Variants in SYNPR observed in about 807,000 individuals in gnomAD.
The protein encoded by SYNPR is synaptoporin.
A neutral mutation model predicts 32.9 loss-of-function variants in SYNPR; 23 were observed. The ratio of observed to expected loss-of-function variants is 0.70; its 90% CI spans 0.50 to 0.99. The LOEUF (loss-of-function observed/expected upper bound fraction) is 0.99. SYNPR is among the 50% of genes least tolerant of loss of function. SYNPR has a pLI of 0.00. For synonymous variants in SYNPR, 146 were observed against 135.9 expected (o/e 1.07, Z -0.52); for missense variants, 318 against 349.3 (o/e 0.91, Z 0.71).
chr3:63,595,202 T>C (rs1316494278), intron 4 of SYNPR, among the ~76,000 whole-genome samples: 1 of 152,120 alleles, frequency 6.6e-6, no homozygotes, highest in East Asian at 1.9e-4. Flanking sequence ...AATGGAAAAG[T>C]CCTAACTCAC....
chr3:63,219,543 GC>G, the SYNPR span, among the ~76,000 whole-genome samples: 1 of 152,146 alleles, frequency 6.6e-6, no homozygotes, highest in African/African-American at 2.4e-5. Flanking sequence ...TCCAAGTATA[GC>G]TTTTGACTCC....
chr3:63,435,977 G>A (rs1383747111), intron 2 of SYNPR, among the ~76,000 whole-genome samples: 1 of 152,084 alleles, frequency 6.6e-6, no homozygotes. Context: ...CTTTCAGCAG[G>A]GACCATGTTT....
chr3:63,381,456 A>G (rs1195191452), intron 2 of SYNPR, among the ~76,000 whole-genome samples: 1 of 152,270 alleles, frequency 6.6e-6, no homozygotes, highest in Non-Finnish European at 1.5e-5. Context: ...AAGAATCAAT[A>G]TCGTGAAAAC....
intron 2 of SYNPR, among the ~76,000 whole-genome samples, chr3:63,429,121 G>C (rs772693606): frequency 1.3e-5 from 2 of 152,164 alleles, no homozygotes; most frequent in African/African-American, 4.8e-5. Context: ...TTGTATGTTT[G>C]TTATTTCATA....
chr3:63,379,333 G>A (rs1206747060), intron 2 of SYNPR, among the ~76,000 whole-genome samples: 2 of 152,132 alleles, frequency 1.3e-5, no homozygotes, highest in Admixed American at 6.6e-5. Context: ...ATTAGATTCT[G>A]TTGGTTGGTG....
At chr3:63,335,285 G>A (rs2087276947) in intron 2 of SYNPR, among the ~76,000 whole-genome samples, 1 of 150,698 alleles carries the variant, frequency 6.6e-6, no homozygotes, top group South Asian at 2.1e-4. Context: ...CCCGGGAGGC[G>A]GAGCTTGCAG....
chr3:63,202,896 C>T, the SYNPR span, among the ~76,000 whole-genome samples: 231 of 151,912 alleles, frequency 1.5e-3, no homozygotes, highest in African/African-American at 5.3e-3. Context: ...TTTCTTGGAA[C>T]ACAGTTTGGG....
At chr3:63,452,124 G>A (rs1700389891) in intron 2 of SYNPR, 1 of 701,616 alleles carries the variant, frequency 1.4e-6, no homozygotes, top group East Asian at 2.7e-5. Flanking sequence ...AGGCAAGAAT[G>A]TTTTCTTATT....
chr3:63,532,642 AC>A (rs969087923), intron 3 of SYNPR, among the ~76,000 whole-genome samples: 3 of 152,330 alleles, frequency 2.0e-5, no homozygotes, highest in Non-Finnish European at 4.4e-5. Context: ...TTAATTTTAA[AC>A]CAGATTTAAA....
chr3:63,389,652 T>C (rs976396304), intron 2 of SYNPR, among the ~76,000 whole-genome samples: 6 of 152,172 alleles, frequency 3.9e-5, no homozygotes, highest in Admixed American at 1.3e-4. Flanking sequence ...ACCACGAAGA[T>C]TGAAAATCCA....
intron 2 of SYNPR, chr3:63,452,058 C>T: frequency 1.4e-6 from 1 of 702,050 alleles, no homozygotes; most frequent in Admixed American, 2.0e-5. Flanking sequence ...TCTCCCACTG[C>T]CTTCACACTC....
chr3:63,585,655 T>C (rs1703171086), intron 4 of SYNPR, among the ~76,000 whole-genome samples: 1 of 152,104 alleles, frequency 6.6e-6, no homozygotes, highest in Non-Finnish European at 1.5e-5. Context: ...GAATAATTTT[T>C]AGGAAATAGT....
chr3:63,354,033 G>A (rs1346196291), intron 2 of SYNPR, among the ~76,000 whole-genome samples: 3 of 152,150 alleles, frequency 2.0e-5, no homozygotes, highest in African/African-American at 7.2e-5. Flanking sequence ...TTATTAAGCT[G>A]CCAGAGAACT....
chr3:63,444,239 C>A (rs1700232907), intron 2 of SYNPR: 1 of 152,164 alleles, frequency 6.6e-6, no homozygotes, highest in Admixed American at 6.5e-5. Context: ...TGTCCGGTCA[C>A]CGTTGCTGGA....
chr3:63,525,641 A>T (rs2106780468), intron 3 of SYNPR, among the ~76,000 whole-genome samples: 1 of 152,298 alleles, frequency 6.6e-6, no homozygotes, highest in South Asian at 2.1e-4. Flanking sequence ...ACATAAAGGC[A>T]TTTCTACGAT....
chr3:63,565,612 A>G (rs1001067597), intron 4 of SYNPR, among the ~76,000 whole-genome samples: 6 of 152,162 alleles, frequency 3.9e-5, no homozygotes, highest in African/African-American at 9.7e-5. Flanking sequence ...TGACAACACA[A>G]GGCTTTTCAA....
In SYNPR at chr3:63,609,330, A is replaced by G. The variant is rs775774940; in HGVS notation, c.600+14A>G. The G allele has an allele frequency of 1.3e-6, 2 of 1,540,422 alleles. No homozygotes were observed. The highest frequency in any genetic ancestry group is 2.5e-5 in the South Asian group (2 of 80,474). The stretch of plus-strand genomic sequence containing the variant: ...AACACTTCTGTGGTAAGTATTTTTC[A>G]TCTATGCTTTACTGTTCATATCTTT... On this transcript the variant is annotated intron_variant, in intron 5 of 5. Transcript: ENST00000478300.
intron 4 of SYNPR, among the ~76,000 whole-genome samples, chr3:63,595,965 T>TTATATATATATAGTTTTA (rs553008663): frequency 1.9e-5 from 2 of 105,038 alleles, no homozygotes; most frequent in East Asian, 2.5e-4. Flanking sequence ...ATATATAGTT[T>TTATATATATATAGTTTTA]TATATATAGT....
intron 2 of SYNPR, among the ~76,000 whole-genome samples, chr3:63,408,271 A>C (rs1328849314): frequency 1.4e-4 from 15 of 108,890 alleles, no homozygotes; most frequent in African/African-American, 5.8e-4. Context: ...GAAAGAAAGA[A>C]AGAAAGAGGA....
Sources: allele counts gnomAD v4.1 joint callset (sites outside exome capture counted in the v4.1 genomes callset), GRCh38; gene constraint gnomAD v4.1.1; transcripts MANE v1.5; gene names NCBI Gene and HGNC (gene_info 2026-07-23, HGNC 2026-07-21).